SNTG1: variants seen among roughly 807,000 people sequenced by gnomAD.
SNTG1 encodes syntrophin gamma 1, also known as gamma-1-syntrophin.
A neutral mutation model predicts 74.7 loss-of-function variants in SNTG1; 39 were observed. The observed-to-expected ratio is 0.52, with a 90% CI of 0.40 to 0.68. The LOEUF (loss-of-function observed/expected upper bound fraction) is 0.68, where lower values mean the gene tolerates loss of function less well. Ranked by LOEUF, SNTG1 falls within the 30% of genes least tolerant of loss-of-function variation. The pLI, the probability that SNTG1 is intolerant of heterozygous loss-of-function variation, is 0.00. For missense variants in SNTG1, 685 were observed against 609.5 expected, an observed-to-expected ratio of 1.12 and a Z score of -1.30; for synonymous variants, 254 against 217.1, an observed-to-expected ratio of 1.17 and a Z score of -1.49.
At chr8:50,560,928 G>T (rs141854152) in intron 12 of SNTG1, among the ~76,000 whole-genome samples, 144 of 152,258 alleles carry the variant, frequency 9.5e-4, no homozygotes, top group African/African-American at 3.3e-3. Flanking sequence ...GACATAATTA[G>T]AATATTTCTC....
chr8:50,715,437 T>C (rs1245342669), intron 17 of SNTG1, among the ~76,000 whole-genome samples: 1 of 152,188 alleles, frequency 6.6e-6, no homozygotes, highest in Non-Finnish European at 1.5e-5. Flanking sequence ...TAAAGGCTTC[T>C]TTACTTCAAT....
chr8:50,341,262 A>T (rs1219848313), intron 2 of SNTG1, among the ~76,000 whole-genome samples: 1 of 151,936 alleles, frequency 6.6e-6, no homozygotes, highest in African/African-American at 2.4e-5. Context: ...AGTACTATTA[A>T]AATAGGCAAT....
At chr8:50,176,924 T>C (rs986121737) in intron 2 of SNTG1, among the ~76,000 whole-genome samples, 1 of 152,166 alleles carries the variant, frequency 6.6e-6, no homozygotes, top group Non-Finnish European at 1.5e-5. Context: ...CAGATTAATC[T>C]AGGCTGCTTC....
intron 10 of SNTG1, 99 bp downstream of exon 10, chr8:50,530,358 TG>T: frequency 9.0e-7 from 1 of 1,112,236 alleles, no homozygotes. Context: ...AGGAAATCCC[TG>T]GTTGCATAAT....
chr8:50,179,091 T>G (rs2083108177), intron 2 of SNTG1, among the ~76,000 whole-genome samples: 1 of 152,208 alleles, frequency 6.6e-6, no homozygotes, highest in African/African-American at 2.4e-5. Flanking sequence ...GTCTTCTTTG[T>G]GGCCTTCCCA....
At position 49,997,674 on chromosome 8, in the gene SNTG1, C is replaced by T. The variant is rs144136767; in HGVS notation, c.-103+85443C>T. On this transcript the variant is annotated intron_variant, in intron 1 of 18. Transcript: ENST00000642720. ...ACCCTAGAAATATTTTATCACTTGA[C>T]TTCCAGAAAAAACTTGTGTCCTGGT... Among the ~76,000 whole-genome samples, 205 of 152,230 alleles carry T rather than the reference C, an allele frequency of 1.3e-3. 2 individuals are homozygous for T. In the Middle Eastern group the frequency reaches 0.014, roughly 10 times the overall value.
chr8:50,751,773 C>A (rs1363350977), intron 17 of SNTG1, among the ~76,000 whole-genome samples: 5 of 151,866 alleles, frequency 3.3e-5, no homozygotes, highest in Non-Finnish European at 7.4e-5. Flanking sequence ...TATTTTTATG[C>A]ATTTTTGCAA....
intron 2 of SNTG1, among the ~76,000 whole-genome samples, chr8:50,388,051 T>C (rs543127731): frequency 7.2e-5 from 11 of 152,316 alleles, no homozygotes; most frequent in African/African-American, 2.6e-4. Flanking sequence ...TAATTTGTAA[T>C]GTAATTCAGT....
chr8:49,978,817 G>A (rs985836778), intron 1 of SNTG1, among the ~76,000 whole-genome samples: 6 of 152,132 alleles, frequency 3.9e-5, no homozygotes, highest in Non-Finnish European at 5.9e-5. Context: ...TAGAAATGAG[G>A]AAATGGATGT....
chr8:50,197,211 G>A (rs1450808873), intron 2 of SNTG1, among the ~76,000 whole-genome samples: 1 of 152,046 alleles, frequency 6.6e-6, no homozygotes, highest in East Asian at 1.9e-4. Flanking sequence ...TTTGGTCTAT[G>A]GAAAACATCA....
intron 13 of SNTG1, among the ~76,000 whole-genome samples, chr8:50,621,438 AT>A (rs1371556045): frequency 1.3e-5 from 2 of 152,206 alleles, no homozygotes; most frequent in Non-Finnish European, 2.9e-5. Context: ...TTTCCTTTTA[AT>A]ATTTTGTTCA....
At chr8:50,703,338 TA>T (rs917643772) in intron 15 of SNTG1, among the ~76,000 whole-genome samples, 6 of 145,690 alleles carry the variant, frequency 4.1e-5, no homozygotes, top group African/African-American at 1.5e-4. Flanking sequence ...AAAATTTTTA[TA>T]AAAAATAAGA....
At chr8:50,723,882 T>TA (rs1251698611) in intron 17 of SNTG1, among the ~76,000 whole-genome samples, 1 of 152,054 alleles carries the variant, frequency 6.6e-6, no homozygotes, top group Admixed American at 6.5e-5. Context: ...GTAATATTTG[T>TA]AGTGAGACCA....
chr8:49,998,276 G>A (rs1269025160), intron 1 of SNTG1, among the ~76,000 whole-genome samples: 1 of 152,128 alleles, frequency 6.6e-6, no homozygotes, highest in Non-Finnish European at 1.5e-5. Flanking sequence ...TGAGTGAGTG[G>A]TGACTGAATG....
At chr8:50,680,372 T>C (rs1194690011) in intron 15 of SNTG1, among the ~76,000 whole-genome samples, 2 of 152,186 alleles carry the variant, frequency 1.3e-5, no homozygotes, top group African/African-American at 4.8e-5. Context: ...GTACACTCTT[T>C]ATGGGCTTCA....
chr8:50,297,006 T>C (rs1020850966), intron 2 of SNTG1, among the ~76,000 whole-genome samples: 6 of 152,180 alleles, frequency 3.9e-5, no homozygotes, highest in African/African-American at 1.4e-4. Context: ...GTCCACCTTA[T>C]CCATCCCTAA....
chr8:50,321,007 C>T (rs888776315), intron 2 of SNTG1, among the ~76,000 whole-genome samples: 1 of 152,024 alleles, frequency 6.6e-6, no homozygotes, highest in African/African-American at 2.4e-5. Context: ...GTGAAACGTT[C>T]TGTAACATTA....
chr8:50,227,921 C>CAA (rs60255876), intron 2 of SNTG1, among the ~76,000 whole-genome samples: 118,562 of 136,052 alleles, frequency 0.87, 53,045 homozygotes, highest in East Asian at 0.98. Flanking sequence ...AAACAACAAC[C>CAA]AAAAAAAAAA....
intron 1 of SNTG1, among the ~76,000 whole-genome samples, chr8:49,915,342 T>C (rs1805932588): frequency 6.6e-6 from 1 of 152,152 alleles, no homozygotes. Context: ...TAATTTCCAA[T>C]AGCATTCATT....
Sources: gnomAD v4.1 joint callset for allele counts (sites outside exome capture counted in the v4.1 genomes callset) on GRCh38, gnomAD v4.1.1 for gene constraint, MANE v1.5 for transcripts, NCBI Gene and HGNC (gene_info 2026-07-23, HGNC 2026-07-21) for gene names.